Variants in TRAF3IP2 observed in about 807,000 individuals in gnomAD.
The protein encoded by TRAF3IP2 is TRAF3 interacting protein 2.
Under a neutral mutation model 57.9 loss-of-function variants are expected in TRAF3IP2, and 35 were observed. The ratio of observed to expected loss-of-function variants is 0.60; its 90% confidence interval spans 0.46 to 0.80. The LOEUF is 0.80. Ranked by LOEUF, TRAF3IP2 falls within the 30% of genes least tolerant of loss-of-function variation. The pLI, the probability that TRAF3IP2 is intolerant of heterozygous loss-of-function variation, is 0.00. For missense variants in TRAF3IP2, 556 were observed against 706.4 expected (o/e 0.79, Z 2.41); for synonymous variants, 251 against 268.9 (o/e 0.93, Z 0.65).
At chr6:111,599,824 T>C (rs776701517) in intron 1 of TRAF3IP2, 8 of 152,206 alleles carry the variant, frequency 5.3e-5, no homozygotes, top group African/African-American at 1.2e-4. Context: ...TGAACAGACT[T>C]CATGCCCACA....
intron 1 of TRAF3IP2, among the ~76,000 whole-genome samples, chr6:111,595,176 G>A (rs1335505278): frequency 6.6e-6 from 1 of 152,162 alleles, no homozygotes; most frequent in East Asian, 1.9e-4. Flanking sequence ...AGGTTGCAGT[G>A]AGCTGAGATC....
At chr6:111,575,561 C>G in intron 4 of TRAF3IP2, 82 bp downstream of exon 4, 1 of 1,492,232 alleles carries the variant, frequency 6.7e-7, no homozygotes, top group Non-Finnish European at 9.0e-7. Flanking sequence ...GCACTCCAGC[C>G]TGGGCAACAG....
intron 8 of TRAF3IP2, among the ~76,000 whole-genome samples, chr6:111,562,659 CA>C (rs1200435853): frequency 6.6e-6 from 1 of 152,064 alleles, no homozygotes; most frequent in Non-Finnish European, 1.5e-5. Context: ...GCCTGGCCAA[CA>C]TGGTGAAACC....
At chr6:111,580,968 T>G (rs1796144449) in intron 2 of TRAF3IP2, among the ~76,000 whole-genome samples, 1 of 152,230 alleles carries the variant, frequency 6.6e-6, no homozygotes, top group Non-Finnish European at 1.5e-5. Context: ...TCCAACTCCC[T>G]TGGTCCTCTC....
intron 1 of TRAF3IP2, among the ~76,000 whole-genome samples, chr6:111,596,490 G>C (rs983760010): frequency 2.6e-5 from 4 of 152,150 alleles, no homozygotes; most frequent in Non-Finnish European, 4.4e-5. Flanking sequence ...GTCTTGCTCT[G>C]TCACCCAGGT....
chr6:111,566,412 C>CGT (rs1333287050), intron 7 of TRAF3IP2, 32 bp downstream of exon 7: 1 of 1,514,866 alleles, frequency 6.6e-7, no homozygotes, highest in Non-Finnish European at 9.2e-7. Flanking sequence ...CCCCAGGGGA[C>CGT]AGTGAGGTGT....
intron 6 of TRAF3IP2, 64 bp from the exon 7 acceptor site, chr6:111,566,624 T>C (rs759160730): frequency 4.7e-5 from 66 of 1,410,488 alleles, no homozygotes; most frequent in East Asian, 1.8e-4. Flanking sequence ...GGGCATTCTC[T>C]GACACACGGG....
intron 4 of TRAF3IP2, chr6:111,574,065 T>C (rs1439129679): frequency 6.6e-6 from 1 of 152,236 alleles, no homozygotes; most frequent in African/African-American, 2.4e-5. Context: ...TGGTAAGATA[T>C]ATATGATCTA....
At chr6:111,599,740 C>T (rs1796808715) in intron 1 of TRAF3IP2, 1 of 152,272 alleles carries the variant, frequency 6.6e-6, no homozygotes, top group Admixed American at 6.5e-5. Context: ...CCCATCATGC[C>T]TGCCTCCCTT....
chr6:111,600,188 G>A (rs879705259), intron 1 of TRAF3IP2: 2 of 152,162 alleles, frequency 1.3e-5, no homozygotes, highest in Admixed American at 6.5e-5. Context: ...TTACCGCAAC[G>A]ACAACTGCAG....
Position 111,557,064 on chromosome 6 carries a change from G to C in TRAF3IP2, c.*2341C>G, listed in dbSNP as rs1384348608. On this transcript the variant is annotated 3_prime_UTR_variant, in exon 9 of 9. Transcript: ENST00000368761. The stretch of plus-strand genomic sequence containing the variant: ...GTCACCTGAGCCCGGCAAGGTCAAA[G>C]CTGCAGTGAGCTGAGACTGTGTCAC... 1 of 152,124 alleles carries C rather than the reference G, an allele frequency of 6.6e-6. No homozygotes were observed. The highest frequency in any genetic ancestry group is 2.4e-5 in the African/African-American group (1 of 41,406). The allele number at this position is 152,124 out of a possible 1,614,324, so 9.4% of individuals were successfully genotyped here.
intron 1 of TRAF3IP2, among the ~76,000 whole-genome samples, chr6:111,596,645 A>G (rs174390): frequency 0.1 from 15,579 of 152,082 alleles, 1,067 homozygotes; most frequent in Middle Eastern, 0.21. Flanking sequence ...GTAGAGACAG[A>G]GTTTCACCAC....
chr6:111,560,024 G>A (rs1308649814), intron 8 of TRAF3IP2, among the ~76,000 whole-genome samples: 1 of 152,210 alleles, frequency 6.6e-6, no homozygotes, highest in East Asian at 1.9e-4. Context: ...CTGTTAGCCA[G>A]GGATCCTGGG....
intron 1 of TRAF3IP2, among the ~76,000 whole-genome samples, chr6:111,596,697 G>A (rs969443604): frequency 7.2e-5 from 11 of 152,080 alleles, no homozygotes; most frequent in Non-Finnish European, 1.2e-4. Context: ...CAGGTGATCC[G>A]CCCGCTTCGG....
At chr6:111,601,083 G>T in intron 1 of TRAF3IP2, 1 of 602,418 alleles carries the variant, frequency 1.7e-6, no homozygotes. Context: ...TTAACCGCTT[G>T]CATCTCGGTT....
rs369106992 is a variant in TRAF3IP2, at chr6:111,586,536, CTTTT to C, written c.829+4718_829+4721del. Among the ~76,000 whole-genome samples, 89 of 146,900 alleles carry C rather than the reference CTTTT, an allele frequency of 6.1e-4. No individual in the cohort carries two copies. In the East Asian group the frequency reaches 0.012, roughly 19 times the overall value. On this transcript the variant is annotated intron_variant, in intron 2 of 8. Coordinates refer to ENST00000368761, the MANE Select transcript of TRAF3IP2 (RefSeq NM_147686.4). Reference sequence around the variant, plus strand: ...TTCTTATTTCCACCTACTTTGAAAACTTTTTTTTTTTACATGAAAGGGGCGACCA... The same window carrying C: ...TTCTTATTTCCACCTACTTTGAAAACTTTTTTTACATGAAAGGGGCGACCA...
chr6:111,574,671 G>C (rs898649216), intron 4 of TRAF3IP2: 1 of 152,164 alleles, frequency 6.6e-6, no homozygotes, highest in Non-Finnish European at 1.5e-5. Context: ...GAGATGCTGG[G>C]TCCCTGCCCA....
At chr6:111,580,117 A>G in intron 3 of TRAF3IP2, 80 bp downstream of exon 3, 1 of 1,515,690 alleles carries the variant, frequency 6.6e-7, no homozygotes, top group Non-Finnish European at 8.9e-7. Flanking sequence ...ACCTATAGAG[A>G]ATTCTGTTAC....
At chr6:111,573,165 C>G (rs200388454) in intron 4 of TRAF3IP2, among the ~76,000 whole-genome samples, 182 bp from the exon 5 acceptor site, 1 of 152,168 alleles carries the variant, frequency 6.6e-6, no homozygotes, top group East Asian at 1.9e-4. Flanking sequence ...TCCTCAGGCC[C>G]AAAATGCCAG....
Sources: allele counts gnomAD v4.1 joint callset (sites outside exome capture counted in the v4.1 genomes callset), GRCh38; gene constraint gnomAD v4.1.1; transcripts MANE v1.5; gene names NCBI Gene and HGNC (gene_info 2026-07-23, HGNC 2026-07-21).